Variants in R3HDM1 observed in about 807,000 individuals in gnomAD.
The protein encoded by R3HDM1 is R3H domain-containing protein 1.
R3HDM1 carries 46 observed loss-of-function variants against 141.1 expected under a neutral mutation model. The ratio of observed to expected loss-of-function variants is 0.33; its 90% CI spans 0.26 to 0.42. The LOEUF (loss-of-function observed/expected upper bound fraction) is 0.42, where lower values mean the gene tolerates loss of function less well. Ranked by LOEUF, R3HDM1 falls within the 10% of genes least tolerant of loss-of-function variation. The pLI, the probability that R3HDM1 is intolerant of heterozygous loss-of-function variation, is 1.00. For missense variants in R3HDM1, 1,184 were observed against 1,368.3 expected (o/e 0.87, Z 2.12); for synonymous variants, 435 against 472.9 (o/e 0.92, Z 1.04).
Position 135,666,218 on chromosome 2 carries a change from G to A in R3HDM1, c.2152+4825G>A, listed in dbSNP as rs74698847. The stretch of plus-strand genomic sequence containing the variant: ...AGGCACAAATTTAAGAGTAACTAGG[G>A]TGTAAAAGGCGAGCAAAGAAAAGTC... On this transcript the variant is annotated intron_variant, in intron 19 of 26. Transcript: ENST00000683871. Among the ~76,000 whole-genome samples, 1,648 of 152,244 alleles carry A rather than the reference G, an allele frequency of 0.011. 100 individuals are homozygous for A. In the East Asian group the frequency reaches 0.19, roughly 17 times the overall value.
Position 135,661,275 on chromosome 2 carries a change from A to C in R3HDM1, c.2034A>C (p.Pro678=). Residue 678 remains proline (P), a synonymous_variant, in exon 19 of 27, where the codon CCA becomes CCC. Coordinates refer to ENST00000683871, the MANE Select transcript of R3HDM1 (RefSeq NM_001378107.1). ...GYIQQPSPQM[P]ACYCAPGHYH... ...CGCAATATTTATGATCCTAGATGCC[A>C]GCCTGTTATTGCGCTCCAGGCCACT... 6.2e-7 allele frequency: 1 copy of C among 1,614,120 alleles called. No homozygotes were observed. Among genetic ancestry groups the C allele is most frequent in the South Asian group, 1.1e-5 (1 of 91,086 alleles).
At chr2:135,568,263 G>A (rs2104984643) in intron 1 of R3HDM1, among the ~76,000 whole-genome samples, 1 of 152,042 alleles carries the variant, frequency 6.6e-6, no homozygotes, top group South Asian at 2.1e-4. Context: ...GCCCAGGCTG[G>A]TCTCAAACTT....
intron 6 of R3HDM1, chr2:135,622,090 A>T (rs1425451028): frequency 9.2e-6 from 9 of 982,982 alleles, no homozygotes; most frequent in Non-Finnish European, 1.1e-5. Flanking sequence ...AGTTATGTTG[A>T]CCAGTATTAT....
intron 14 of R3HDM1, among the ~76,000 whole-genome samples, chr2:135,639,958 G>A (rs2105243037): frequency 6.6e-6 from 1 of 152,196 alleles, no homozygotes; most frequent in East Asian, 1.9e-4. Flanking sequence ...AATCAGCTGG[G>A]CGTAATAGCA....
chr2:135,583,264 C>A (rs1000966677), intron 1 of R3HDM1, among the ~76,000 whole-genome samples: 1 of 152,116 alleles, frequency 6.6e-6, no homozygotes, highest in Non-Finnish European at 1.5e-5. Flanking sequence ...AGCATTAAAG[C>A]TAGCTCTCTT....
At position 135,711,656 on chromosome 2, in the gene R3HDM1, C is replaced by G. The variant is rs1209052138; in HGVS notation, c.2736+1425C>G. 2.9e-4 allele frequency among the ~76,000 whole-genome samples: 25 copies of G among 87,470 alleles called. No individual in the cohort carries two copies. In the Admixed American group the frequency reaches 3.1e-3, roughly 11 times the overall value. 57.4% of individuals were successfully genotyped at this position (87,470 alleles called of 152,430 possible). A position where few individuals can be genotyped will look rare whatever the true frequency, so the allele number is the denominator to read the frequency against. The stretch of plus-strand genomic sequence containing the variant: ...CCCTAGCAACAGAGGGAGACCCCAA[C>G]TCTTTGAAAAAAAAAAAAAAACCCA... On this transcript the variant is annotated intron_variant, in intron 23 of 26. Transcript: ENST00000683871.
At position 135,669,118 on chromosome 2, in the gene R3HDM1, T is replaced by A. The variant is rs545681066; in HGVS notation, c.2153-6214T>A. 4.9e-3 allele frequency: 4,760 copies of A among 981,414 alleles called. 28 individuals carry two copies. The highest frequency in any genetic ancestry group is 0.037 in the South Asian group (776 of 21,156). The allele number at this position is 981,414 out of a possible 1,614,324, so 60.8% of individuals were successfully genotyped here. On this transcript the variant is annotated intron_variant, in intron 19 of 26. Transcript: ENST00000683871. ...AGTGCAGTGGCCCTTCCTAATTGTT[T>A]AATACAATTTATGCGTATAATCTAA...
chr2:135,584,063 C>T (rs1367380480), intron 1 of R3HDM1: 4 of 984,840 alleles, frequency 4.1e-6, no homozygotes, highest in East Asian at 1.1e-4. Context: ...CATGGTGGCT[C>T]ACACCTGTAA....
chr2:135,591,792 G>A (rs1033741065), intron 1 of R3HDM1, among the ~76,000 whole-genome samples: 1 of 152,134 alleles, frequency 6.6e-6, no homozygotes, highest in Admixed American at 6.5e-5. Flanking sequence ...ATTACACTCA[G>A]CATTAGAGCT....
chr2:135,537,444 G>A lies in R3HDM1; in HGVS notation c.-250+5811G>A, dbSNP rs143719286. Among the ~76,000 whole-genome samples the A allele has an allele frequency of 1.6e-4, 24 of 150,424 alleles. 3 individuals carry two copies. The highest frequency in any genetic ancestry group is 5.6e-4 in the African/African-American group (23 of 41,152). On this transcript the variant is annotated intron_variant, in intron 1 of 26. Transcript: ENST00000683871. Reference sequence around the variant, plus strand: ...TGGGACTATAGTCACGAGCCATCATGCCAGCTAATTTTTGTATTTTTAGTA... The same window carrying A: ...TGGGACTATAGTCACGAGCCATCATACCAGCTAATTTTTGTATTTTTAGTA...
Position 135,558,889 on chromosome 2 carries a change from A to G in R3HDM1, c.-250+27256A>G, listed in dbSNP as rs1042678166. 9.5e-6 allele frequency: 5 copies of G among 524,054 alleles called. No homozygotes were observed. The African/African-American group carries it at 1.0e-4, about 11-fold the overall frequency. The allele number at this position is 524,054 out of a possible 1,614,324, so 32.5% of individuals were successfully genotyped here. On this transcript the variant is annotated intron_variant, in intron 1 of 26. Transcript: ENST00000683871. ...TTTTTAAACTTTTAAAATGATAATC[A>G]TCTTCCTTTTAGGATTCCTTAAGGG...
intron 5 of R3HDM1, among the ~76,000 whole-genome samples, chr2:135,618,360 C>A (rs979038622): frequency 7.2e-5 from 11 of 151,768 alleles, no homozygotes; most frequent in South Asian, 6.2e-4. Flanking sequence ...CGAGGTTTCA[C>A]CATGTTGGCC....
At chr2:135,586,241 G>T (rs1707878547) in intron 1 of R3HDM1, 1 of 152,356 alleles carries the variant, frequency 6.6e-6, no homozygotes, top group Non-Finnish European at 1.5e-5. Context: ...GCTCAATATA[G>T]CTTCTGATGC....
intron 11 of R3HDM1, among the ~76,000 whole-genome samples, chr2:135,636,791 A>T (rs1006864319): frequency 7.3e-6 from 1 of 137,056 alleles, no homozygotes; most frequent in African/African-American, 2.7e-5. Flanking sequence ...CCTCTGTGTT[A>T]AAAAAAAAAA....
intron 2 of R3HDM1, among the ~76,000 whole-genome samples, chr2:135,603,358 G>C (rs1003907991): frequency 6.6e-6 from 1 of 151,978 alleles, no homozygotes; most frequent in African/African-American, 2.4e-5. Flanking sequence ...AATTGATATA[G>C]AGAAAATAAG....
chr2:135,550,887 A>T (rs571292167), intron 1 of R3HDM1, among the ~76,000 whole-genome samples: 13 of 152,348 alleles, frequency 8.5e-5, no homozygotes, highest in African/African-American at 2.9e-4. Context: ...ATAGCTTGTC[A>T]GGCATACTAC....
intron 5 of R3HDM1, among the ~76,000 whole-genome samples, chr2:135,617,676 C>T (rs1043526923): frequency 6.6e-6 from 1 of 152,120 alleles, no homozygotes; most frequent in Non-Finnish European, 1.5e-5. Context: ...TGATCTCTGT[C>T]TCATGTTACA....
chr2:135,651,208 A>C, intron 17 of R3HDM1: 2 of 984,998 alleles, frequency 2.0e-6, no homozygotes, highest in Non-Finnish European at 2.4e-6. Context: ...TAGAGAAAGG[A>C]CTGTAGTGGA....
At chr2:135,679,694 A>G (rs2069890873) in intron 20 of R3HDM1, among the ~76,000 whole-genome samples, 1 of 152,258 alleles carries the variant, frequency 6.6e-6, no homozygotes, top group Non-Finnish European at 1.5e-5. Flanking sequence ...GCCAGAAGCA[A>G]TAGCTGACAT....
Sources: allele counts gnomAD v4.1 joint callset (sites outside exome capture counted in the v4.1 genomes callset), GRCh38; gene constraint gnomAD v4.1.1; transcripts MANE v1.5; gene names NCBI Gene and HGNC (gene_info 2026-07-23, HGNC 2026-07-21).